TFDP2: variants seen among roughly 807,000 people sequenced by gnomAD.
TFDP2 encodes the protein transcription factor Dp-2, also known as transcription factor Dp-2 (E2F dimerization partner 2).
A neutral mutation model predicts 59.3 loss-of-function variants in TFDP2; 17 were observed. That is an observed-to-expected ratio of 0.29 (90% confidence interval 0.20 to 0.43). TFDP2 has a LOEUF of 0.43. Among genes scored for constraint, TFDP2 ranks in the 20% least tolerant of loss-of-function variants. The pLI is 1.00. For synonymous variants in TFDP2, 180 were observed against 194.7 expected, an observed-to-expected ratio of 0.92 and a Z score of 0.63; for missense variants, 391 against 528.8, an observed-to-expected ratio of 0.74 and a Z score of 2.56.
chr3:142,007,396 A>T (rs1253926500), intron 3 of TFDP2, among the ~76,000 whole-genome samples: 1 of 151,934 alleles, frequency 6.6e-6, no homozygotes, highest in Non-Finnish European at 1.5e-5. Context: ...TCAGATCTTC[A>T]CTCCATCTCC....
intron 3 of TFDP2, among the ~76,000 whole-genome samples, chr3:142,071,111 G>A (rs1469375471): frequency 6.6e-6 from 1 of 152,076 alleles, no homozygotes; most frequent in African/African-American, 2.4e-5. Context: ...AGAAGGATAG[G>A]TGTCTGGGAT....
At chr3:141,955,188 C>G (rs530630969) in intron 11 of TFDP2, among the ~76,000 whole-genome samples, 5 of 152,216 alleles carry the variant, frequency 3.3e-5, no homozygotes, top group East Asian at 1.9e-4. Context: ...ATTGGAAAAG[C>G]CTACATTTCT....
intron 1 of TFDP2, among the ~76,000 whole-genome samples, chr3:142,120,178 G>A (rs964525904): frequency 2.0e-5 from 3 of 147,654 alleles, no homozygotes; most frequent in African/African-American, 5.0e-5. Flanking sequence ...CTGGCCAACA[G>A]GGTGAAATCC....
intron 1 of TFDP2, among the ~76,000 whole-genome samples, chr3:142,124,724 A>AT (rs143193913): frequency 0.015 from 2,211 of 151,602 alleles, 53 homozygotes; most frequent in African/African-American, 0.051. Flanking sequence ...AAAAATGCAC[A>AT]TTTTTTTTTA....
chr3:142,056,114 C>T (rs148289354), intron 3 of TFDP2, among the ~76,000 whole-genome samples: 4,322 of 151,410 alleles, frequency 0.029, 71 homozygotes, highest in Non-Finnish European at 0.045. Flanking sequence ...CCACCACATC[C>T]GGCTAATTTT....
chr3:142,100,171 C>T (rs571499746), intron 2 of TFDP2, among the ~76,000 whole-genome samples: 2 of 152,210 alleles, frequency 1.3e-5, no homozygotes, highest in Admixed American at 6.5e-5. Flanking sequence ...TTAGAACTAT[C>T]GGTCTGACTC....
chr3:142,068,992 TG>T, intron 3 of TFDP2, among the ~76,000 whole-genome samples: 1 of 152,144 alleles, frequency 6.6e-6, no homozygotes, highest in Non-Finnish European at 1.5e-5. Flanking sequence ...GTCGGCTCAA[TG>T]CAACCTCCGT....
chr3:141,973,494 T>C (rs1443144545), intron 8 of TFDP2, among the ~76,000 whole-genome samples: 1 of 152,178 alleles, frequency 6.6e-6, no homozygotes, highest in Non-Finnish European at 1.5e-5. Flanking sequence ...GAGTTTTCTA[T>C]AATGCTTAAA....
intron 3 of TFDP2, among the ~76,000 whole-genome samples, chr3:142,088,121 G>A (rs1306528325): frequency 6.6e-6 from 1 of 152,138 alleles, no homozygotes; most frequent in African/African-American, 2.4e-5. Context: ...TTTATCCTTA[G>A]CACCTAGAAA....
chr3:142,084,717 G>A (rs2060751184), intron 3 of TFDP2, among the ~76,000 whole-genome samples: 1 of 151,866 alleles, frequency 6.6e-6, no homozygotes, highest in African/African-American at 2.4e-5. Flanking sequence ...AATAAGCAAG[G>A]CATGGAAAGA....
At chr3:142,087,195 G>A (rs566020311) in intron 3 of TFDP2, among the ~76,000 whole-genome samples, 1 of 152,298 alleles carries the variant, frequency 6.6e-6, no homozygotes, top group East Asian at 1.9e-4. Flanking sequence ...AATATATGTA[G>A]TCATGTGTCA....
intron 3 of TFDP2, among the ~76,000 whole-genome samples, chr3:142,052,450 CAGG>C (rs1947683837): frequency 6.6e-6 from 1 of 151,462 alleles, no homozygotes; most frequent in South Asian, 2.1e-4. Flanking sequence ...GAGGCTGAGG[CAGG>C]AGAATGGCGT....
At position 142,023,738 on chromosome 3, in the gene TFDP2, A is replaced by G. The variant is rs72990269; in HGVS notation, c.83-18194T>C. 8.7e-3 allele frequency among the ~76,000 whole-genome samples: 1,319 copies of G among 152,340 alleles called. 21 individuals carry two copies. Among genetic ancestry groups the G allele is most frequent in the African/African-American group, 0.03 (1,228 of 41,576 alleles). On this transcript the variant is annotated intron_variant, in intron 3 of 12. Transcript: ENST00000489671. ...ACATTTAAATCACATTGTGAAATGC[A>G]AGAAATCTTAAAGTTAGACATCAAT... is the stretch of plus-strand genomic sequence containing the variant.
intron 3 of TFDP2, among the ~76,000 whole-genome samples, chr3:142,013,063 G>A (rs1944846343): frequency 6.6e-6 from 1 of 152,098 alleles, no homozygotes; most frequent in East Asian, 1.9e-4. Flanking sequence ...CTTGAACCCG[G>A]GAGGCGGAGG....
intron 1 of TFDP2, among the ~76,000 whole-genome samples, chr3:142,119,067 A>G (rs2061946206): frequency 6.6e-6 from 1 of 152,166 alleles, no homozygotes; most frequent in Non-Finnish European, 1.5e-5. Context: ...TGGCTGAGGC[A>G]TGAGAACAGC....
intron 8 of TFDP2, among the ~76,000 whole-genome samples, chr3:141,970,436 C>T (rs1032656556): frequency 6.6e-6 from 1 of 152,182 alleles, no homozygotes; most frequent in African/African-American, 2.4e-5. Flanking sequence ...AATAGTACCA[C>T]TTAGTTTATA....
intron 3 of TFDP2, among the ~76,000 whole-genome samples, chr3:142,032,396 G>A (rs985173074): frequency 2.6e-5 from 4 of 151,860 alleles, no homozygotes; most frequent in Non-Finnish European, 4.4e-5. Context: ...CGCTTAGCTC[G>A]ACTCTTTCAA....
intron 3 of TFDP2, among the ~76,000 whole-genome samples, chr3:142,009,225 A>G (rs796194155): frequency 6.6e-6 from 1 of 152,322 alleles, no homozygotes; most frequent in East Asian, 1.9e-4. Flanking sequence ...TACCTTTCCT[A>G]ATCTGGATGC....
intron 1 of TFDP2, among the ~76,000 whole-genome samples, chr3:142,129,670 C>A (rs940239407): frequency 7.9e-5 from 12 of 151,022 alleles, no homozygotes; most frequent in Admixed American, 2.6e-4. Flanking sequence ...CCTGCCTCAG[C>A]CTCCTGAGTA....
Sources: allele counts gnomAD v4.1 joint callset (sites outside exome capture counted in the v4.1 genomes callset), GRCh38; gene constraint gnomAD v4.1.1; transcripts MANE v1.5; gene names NCBI Gene and HGNC (gene_info 2026-07-23, HGNC 2026-07-21).